DPY19L2: variants seen among roughly 807,000 people sequenced by gnomAD.
DPY19L2 encodes dpy-19 like 2.
In DPY19L2, 34 loss-of-function variants were observed where a neutral mutation model predicts 97.9. The ratio of observed to expected loss-of-function variants is 0.35; its 90% CI spans 0.26 to 0.46. The LOEUF (loss-of-function observed/expected upper bound fraction) is 0.46, where lower values mean the gene tolerates loss of function less well. Among genes scored for constraint, DPY19L2 ranks in the 20% least tolerant of loss-of-function variants. The probability of loss-of-function intolerance (pLI) is 1.00; values close to 1 mark genes in which losing one functional copy is unlikely to be tolerated. For synonymous variants in DPY19L2, 230 were observed against 307.9 expected (o/e 0.75, Z 2.65); for missense variants, 623 against 911.4 (o/e 0.68, Z 4.07).
chr12:63,570,465 T>C (rs1878585467), intron 20 of DPY19L2, among the ~76,000 whole-genome samples: 1 of 152,028 alleles, frequency 6.6e-6, no homozygotes, highest in Non-Finnish European at 1.5e-5. Flanking sequence ...CCTAGTAGTT[T>C]TACTGGAATA....
intron 20 of DPY19L2, 110 bp from the exon 21 acceptor site, chr12:63,569,459 G>A (rs796911562): frequency 1.0e-4 from 86 of 840,328 alleles, no homozygotes; most frequent in South Asian, 7.1e-4. Flanking sequence ...ATGGAACACC[G>A]ATATACATGA....
intron 18 of DPY19L2, 37 bp downstream of exon 18, chr12:63,582,369 T>G (rs1388418028): frequency 6.3e-7 from 1 of 1,595,610 alleles, no homozygotes; most frequent in East Asian, 2.2e-5. Context: ...GCTGCTATAG[T>G]TTTTATAGTA....
intron 1 of DPY19L2, among the ~76,000 whole-genome samples, 188 bp downstream of exon 1, chr12:63,667,869 A>G (rs1896511684): frequency 6.6e-6 from 1 of 151,946 alleles, no homozygotes; most frequent in African/African-American, 2.4e-5. Context: ...CTTCAAACCA[A>G]TATACTCCCT....
chr12:63,635,888 G>A (rs1283731399), intron 6 of DPY19L2, among the ~76,000 whole-genome samples: 1 of 152,128 alleles, frequency 6.6e-6, no homozygotes, highest in Non-Finnish European at 1.5e-5. Context: ...GCCCAACCTA[G>A]CAAGGCAGGC....
chr12:63,563,788 A>G lies in DPY19L2; in HGVS notation c.2127-3126T>C, dbSNP rs1297533922. Among the ~76,000 whole-genome samples the G allele has an allele frequency of 1.4e-4, 22 of 152,172 alleles. 1 individual carries two copies. Among genetic ancestry groups the G allele is most frequent in the Admixed American group, 1.4e-3 (21 of 15,276 alleles). ...GCTGACCTCACAGAACCAGTTGGGA[A>G]GTAATCCCTCCTTTTGAATTTTCTG... On this transcript the variant is annotated intron_variant, in intron 21 of 21. Transcript: ENST00000324472.
At chr12:63,596,958 T>C (rs1393775436) in intron 14 of DPY19L2, among the ~76,000 whole-genome samples, 1 of 152,010 alleles carries the variant, frequency 6.6e-6, no homozygotes, top group Non-Finnish European at 1.5e-5. Flanking sequence ...TCCATGATTC[T>C]ACAAAGAGGC....
chr12:63,615,619 T>G (rs12809096), intron 11 of DPY19L2, among the ~76,000 whole-genome samples: 14 of 152,112 alleles, frequency 9.2e-5, no homozygotes, highest in African/African-American at 3.1e-4. Context: ...AACAAATAAA[T>G]TTCATGAGGA....
chr12:63,575,698 A>G (rs970917231), intron 19 of DPY19L2, among the ~76,000 whole-genome samples: 1 of 151,926 alleles, frequency 6.6e-6, no homozygotes, highest in African/African-American at 2.4e-5. Context: ...AAACATAGAA[A>G]TGGATAAATC....
intron 5 of DPY19L2, among the ~76,000 whole-genome samples, chr12:63,644,706 ATG>A (rs1565831277): frequency 6.6e-6 from 1 of 151,866 alleles, no homozygotes; most frequent in East Asian, 1.9e-4. Flanking sequence ...GTGTATATAT[ATG>A]TGTGTGTATA....
At chr12:63,569,193 C>G (rs770298962) in intron 21 of DPY19L2, 31 bp downstream of exon 21, 24 of 1,559,964 alleles carry the variant, frequency 1.5e-5, no homozygotes, top group Non-Finnish European at 2.0e-5. Flanking sequence ...CAAAAATATA[C>G]CATATCAGAT....
At chr12:63,612,711 A>C (rs1222711082) in intron 11 of DPY19L2, among the ~76,000 whole-genome samples, 2 of 151,770 alleles carry the variant, frequency 1.3e-5, no homozygotes, top group Non-Finnish European at 2.9e-5. Context: ...AAACAAAAGC[A>C]GTAGAGCAAA....
At chr12:63,625,873 T>G (rs1889445305) in intron 7 of DPY19L2, among the ~76,000 whole-genome samples, 1 of 151,072 alleles carries the variant, frequency 6.6e-6, no homozygotes, top group South Asian at 2.1e-4. Flanking sequence ...TACTTAAAAA[T>G]CTGTTAAGAG....
At chr12:63,668,770 C>G (rs1245451931), upstream of DPY19L2, 1 of 241,604 alleles carries the variant, frequency 4.1e-6, no homozygotes, top group Non-Finnish European at 8.0e-6. Context: ...TGCGCGCAGC[C>G]CCATGTACAG....
chr12:63,569,315 G>T lies in DPY19L2; in HGVS notation c.2035C>A (p.Arg679=), dbSNP rs2942671. 1.3e-6 allele frequency: 2 copies of T among 1,595,500 alleles called. No individual in the cohort carries two copies. The highest frequency in any genetic ancestry group is 2.3e-5 in the South Asian group (2 of 86,978). ...TCTCTTACTTCTTTGGCAGATTTTC[G>T]ACTATATGTAGAATAAACTATTTTT... ...RTKIVYSTYS[R]KSAKEVRDKL... Residue 679 remains arginine (R), a synonymous_variant, in exon 21 of 22, where the codon CGA becomes AGA. Transcript: ENST00000324472.
chr12:63,638,273 G>A (rs989145258), intron 6 of DPY19L2, among the ~76,000 whole-genome samples: 2 of 152,092 alleles, frequency 1.3e-5, no homozygotes, highest in African/African-American at 4.8e-5. Flanking sequence ...GCAAAAACCG[G>A]AAGCATTCCC....
intron 6 of DPY19L2, among the ~76,000 whole-genome samples, chr12:63,631,954 C>G (rs1050713442): frequency 2.0e-5 from 3 of 152,022 alleles, no homozygotes; most frequent in African/African-American, 4.8e-5. Context: ...ACAGAACCAA[C>G]GTCAAAAACC....
intron 6 of DPY19L2, among the ~76,000 whole-genome samples, chr12:63,643,911 C>T (rs6423703): frequency 0.29 from 43,781 of 151,916 alleles, 6,915 homozygotes; most frequent in African/African-American, 0.44. Flanking sequence ...GCAAAACACA[C>T]GACCGTTGAA....
intron 10 of DPY19L2, among the ~76,000 whole-genome samples, 189 bp from the exon 11 acceptor site, chr12:63,617,579 T>C (rs1176005032): frequency 1.3e-5 from 2 of 152,012 alleles, no homozygotes; most frequent in African/African-American, 2.4e-5. Context: ...ATAAACTCTA[T>C]CTGGCAGAAT....
At chr12:63,637,750 C>T (rs11559946) in intron 6 of DPY19L2, among the ~76,000 whole-genome samples, 6 of 152,128 alleles carry the variant, frequency 3.9e-5, no homozygotes, top group East Asian at 3.9e-4. Context: ...CAGGACCAGA[C>T]AGATTCACAG....
Sources: allele counts gnomAD v4.1 joint callset (sites outside exome capture counted in the v4.1 genomes callset), GRCh38; gene constraint gnomAD v4.1.1; transcripts MANE v1.5; gene names NCBI Gene and HGNC (gene_info 2026-07-23, HGNC 2026-07-21).